POM121C: variants seen among roughly 807,000 people sequenced by gnomAD.
POM121C encodes the protein POM121 transmembrane nucleoporin C, also known as nuclear envelope pore membrane protein POM 121C.
POM121C carries 20 observed loss-of-function variants against 66.4 expected under a neutral mutation model. That is an observed-to-expected ratio of 0.30 (90% CI 0.21 to 0.44). POM121C has a LOEUF of 0.44. Among genes scored for constraint, POM121C ranks in the 20% least tolerant of loss-of-function variants. POM121C has a pLI of 1.00. For synonymous variants in POM121C, 286 were observed against 528.0 expected (o/e 0.54, Z 6.28); for missense variants, 580 against 1,225.7 (o/e 0.47, Z 7.87).
chr7:75,440,073 G>T (rs1790574964), intron 5 of POM121C, among the ~76,000 whole-genome samples: 1 of 151,140 alleles, frequency 6.6e-6, no homozygotes, highest in South Asian at 2.1e-4. Flanking sequence ...TAGAGACGGG[G>T]TTTCACCATG....
chr7:75,425,051 G>C, intron 10 of POM121C, 23 bp downstream of exon 10: 1 of 1,470,988 alleles, frequency 6.8e-7, no homozygotes, highest in Non-Finnish European at 9.0e-7. Context: ...GGGGAGGGCA[G>C]GAGTAGATGG....
intron 7 of POM121C, among the ~76,000 whole-genome samples, chr7:75,429,072 G>C (rs1245216853): frequency 6.6e-6 from 1 of 151,938 alleles, no homozygotes; most frequent in African/African-American, 2.4e-5. Context: ...TTGACTGTAC[G>C]TACACACTCA....
chr7:75,443,466 C>T (rs2116422103), intron 3 of POM121C, among the ~76,000 whole-genome samples: 1 of 152,156 alleles, frequency 6.6e-6, no homozygotes, highest in African/African-American at 2.4e-5. Flanking sequence ...TCTGCCAATA[C>T]ACTTTGGTGT....
chr7:75,462,355 G>C (rs1385879050), intron 3 of POM121C, among the ~76,000 whole-genome samples: 1 of 152,012 alleles, frequency 6.6e-6, no homozygotes, highest in Non-Finnish European at 1.5e-5. Flanking sequence ...GGAACTGTGA[G>C]TCAATTAAAC....
intron 3 of POM121C, among the ~76,000 whole-genome samples, chr7:75,458,846 G>A (rs1791343947): frequency 6.6e-6 from 1 of 152,162 alleles, no homozygotes. Context: ...TCTGAATGAG[G>A]AAAGACAATT....
intron 3 of POM121C, among the ~76,000 whole-genome samples, 162 bp downstream of exon 3, chr7:75,474,542 A>G (rs1388713556): frequency 6.6e-6 from 1 of 152,194 alleles, no homozygotes; most frequent in Non-Finnish European, 1.5e-5. Flanking sequence ...TAAATCAAAT[A>G]TAAAATAAAC....
At chr7:75,484,410 C>T (rs1792428490) in intron 1 of POM121C, 1 of 493,688 alleles carries the variant, frequency 2.0e-6, no homozygotes, top group Non-Finnish European at 3.6e-6. Context: ...AAGAGTGATA[C>T]AGGGTTTCAC....
intron 3 of POM121C, among the ~76,000 whole-genome samples, chr7:75,465,873 G>A (rs1426439968): frequency 1.0e-4 from 12 of 117,660 alleles, no homozygotes; most frequent in African/African-American, 4.2e-4. Context: ...TCCAGCACAG[G>A]CAACAGAGTG....
intron 7 of POM121C, among the ~76,000 whole-genome samples, chr7:75,433,154 G>A (rs1356438537): frequency 7.6e-6 from 1 of 132,252 alleles, no homozygotes; most frequent in East Asian, 2.8e-4. Flanking sequence ...AGAATCGCTT[G>A]AACCCAGGAG....
At chr7:75,441,255 T>C (rs1377931892) in intron 4 of POM121C, 140 bp from the exon 5 acceptor site, 2 of 1,401,682 alleles carry the variant, frequency 1.4e-6, no homozygotes, top group Non-Finnish European at 1.9e-6. Flanking sequence ...AAAGCTACTT[T>C]TTCGTTAACG....
rs1426378552 is a variant in POM121C, at chr7:75,440,953, C to G, written c.227+1G>C. 6.2e-7 allele frequency: 1 copy of G among 1,613,832 alleles called. No homozygotes were observed. The highest frequency in any genetic ancestry group is 1.7e-5 in the Admixed American group (1 of 59,990). On this transcript the variant is annotated splice_donor_variant, in intron 5 of 14. Coordinates refer to ENST00000615331, the MANE Select transcript of POM121C (RefSeq NM_001099415.3). LOFTEE classifies it high-confidence loss of function. ...GCTTAGTACTCTCCTGAGCCTGTTACCTTCTTTTATTTTCCTGGCCATCAA... is the reference window on the plus strand; with the variant it reads ...GCTTAGTACTCTCCTGAGCCTGTTAGCTTCTTTTATTTTCCTGGCCATCAA...
At chr7:75,440,873 GTA>G in intron 5 of POM121C, 79 bp downstream of exon 5, 1 of 1,610,294 alleles carries the variant, frequency 6.2e-7, no homozygotes, top group Non-Finnish European at 8.5e-7. Flanking sequence ...CGTGGCCTCT[GTA>G]TCTTTACGGG....
Position 75,471,880 on chromosome 7 carries a change from T to C in POM121C, c.-152+2824A>G, listed in dbSNP as rs180942848. ...ACTTAAAAATGGTTAAGATGGTAAA[T>C]TGTATGTTACGTTTTTGTTTTTTGA... On this transcript the variant is annotated intron_variant, in intron 3 of 14. Coordinates refer to ENST00000615331, the MANE Select transcript of POM121C (RefSeq NM_001099415.3). Among the ~76,000 whole-genome samples, 527 of 152,230 alleles carry C rather than the reference T, an allele frequency of 3.5e-3. 2 individuals carry two copies. The highest frequency in any genetic ancestry group is 0.012 in the African/African-American group (502 of 41,562).
intron 7 of POM121C, among the ~76,000 whole-genome samples, chr7:75,434,408 G>T (rs75615798): frequency 1.3e-5 from 2 of 151,554 alleles, no homozygotes; most frequent in Non-Finnish European, 2.9e-5. Flanking sequence ...CTAAGTAGCT[G>T]GGATTATAGG....
intron 3 of POM121C, chr7:75,442,776 T>TCGCGTCATCGCGCGCCCGC (rs1271878723): frequency 2.0e-5 from 26 of 1,284,132 alleles, no homozygotes; most frequent in Middle Eastern, 3.0e-4. Flanking sequence ...GCGCCACGCG[T>TCGCGTCATCGCGCGCCCGC]CGCGTCATCG....
At chr7:75,467,975 C>A (rs183039491) in intron 3 of POM121C, among the ~76,000 whole-genome samples, 4 of 151,592 alleles carry the variant, frequency 2.6e-5, no homozygotes, top group African/African-American at 9.7e-5. Flanking sequence ...ACTAAAAATA[C>A]AAAAAAATTA....
At chr7:75,484,823 A>AAATTC (rs1350700995) in intron 1 of POM121C, among the ~76,000 whole-genome samples, 2 of 152,086 alleles carry the variant, frequency 1.3e-5, no homozygotes, top group African/African-American at 4.8e-5. Flanking sequence ...AAAAGAAAAA[A>AAATTC]AATTCCCATT....
intron 3 of POM121C, among the ~76,000 whole-genome samples, chr7:75,469,149 G>A (rs1445307358): frequency 6.6e-6 from 1 of 151,636 alleles, no homozygotes; most frequent in Non-Finnish European, 1.5e-5. Flanking sequence ...GCCCAGGCTG[G>A]AGTGCAGTGG....
At chr7:75,440,633 G>A (rs190238257) in intron 5 of POM121C, 1,375 of 362,694 alleles carry the variant, frequency 3.8e-3, no homozygotes, top group Non-Finnish European at 5.7e-3. Flanking sequence ...ACAAAATTCC[G>A]ACCGGAAGAC....
Sources: allele counts gnomAD v4.1 joint callset (sites outside exome capture counted in the v4.1 genomes callset), GRCh38; gene constraint gnomAD v4.1.1; transcripts MANE v1.5; gene names NCBI Gene and HGNC (gene_info 2026-07-23, HGNC 2026-07-21).